The following RDH16 variants were observed in gnomAD, a reference collection of about 807,000 sequenced individuals.
The protein encoded by RDH16 is retinol dehydrogenase 16.
RDH16 carries 25 observed loss-of-function variants against 22.3 expected under a neutral mutation model. That is an observed-to-expected ratio of 1.12 (90% CI 0.82 to 1.56). The LOEUF is 1.56. RDH16 is among the 40% of genes most tolerant of loss of function. The pLI is 0.00. For missense variants in RDH16, 413 were observed against 394.9 expected, an observed-to-expected ratio of 1.05 and a Z score of -0.39; for synonymous variants, 154 against 164.4, an observed-to-expected ratio of 0.94 and a Z score of 0.48.
chr12:56,954,794 G>A (rs750214696), intron 2 of RDH16, 112 bp downstream of exon 2: 1 of 1,128,058 alleles, frequency 8.9e-7, no homozygotes, highest in African/African-American at 1.6e-5. Context: ...AAGACAGAGA[G>A]TGATCTCATG....
chr12:56,955,289 T>C, intron 1 of RDH16, 125 bp from the exon 2 acceptor site: 1 of 1,149,140 alleles, frequency 8.7e-7, no homozygotes, highest in Non-Finnish European at 1.2e-6. Flanking sequence ...GGGAGGAGGG[T>C]ATAACAAACA....
rs1294567856 is a variant in RDH16, at chr12:56,952,266, A to G, written c.737-20T>C. On this transcript the variant is annotated intron_variant, in intron 3 of 3. Transcript: ENST00000398138. Reference sequence around the variant, plus strand: ...TCTTATCTGTTAAGAATCAGAAACAATCCATGTATATTTCCACCTCTAACC... The same window carrying G: ...TCTTATCTGTTAAGAATCAGAAACAGTCCATGTATATTTCCACCTCTAACC... The G allele has an allele frequency of 1.2e-6, 2 of 1,608,430 alleles. No individual in the cohort carries two copies. Among genetic ancestry groups the G allele is most frequent in the Admixed American group, 3.4e-5 (2 of 59,596 alleles).
At chr12:56,955,821 C>G (rs1955923253) in intron 1 of RDH16, among the ~76,000 whole-genome samples, 1 of 152,130 alleles carries the variant, frequency 6.6e-6, no homozygotes, top group African/African-American at 2.4e-5. Context: ...TGCGTCACCC[C>G]ACTCAGTACA....
chr12:56,952,999 C>A lies in RDH16; in HGVS notation c.573-9G>T. On this transcript the variant is annotated splice_polypyrimidine_tract_variant and intron_variant, in intron 2 of 3. Coordinates refer to ENST00000398138, the MANE Select transcript of RDH16 (RefSeq NM_003708.5). ...AGTAGGAGAGTTCCCTCCTGCAAGA[C>A]AGAGAAGCAGAGGGGAAAAACTTCG... 3.8e-6 allele frequency: 6 copies of A among 1,596,230 alleles called. No individual in the cohort carries two copies. The highest frequency in any genetic ancestry group is 4.3e-6 in the Non-Finnish European group (5 of 1,172,478).
intron 2 of RDH16, among the ~76,000 whole-genome samples, chr12:56,953,927 A>G (rs1955904613): frequency 6.6e-6 from 1 of 152,074 alleles, no homozygotes; most frequent in East Asian, 1.9e-4. Flanking sequence ...CACAGACAAA[A>G]CCTTGTTGTT....
Position 56,952,025 on chromosome 12 carries a change from A to G in RDH16, c.*4T>C, listed in dbSNP as rs757289273. On this transcript the variant is annotated 3_prime_UTR_variant, in exon 4 of 4. Transcript: ENST00000398138. ...TCCATGCAACCATGCATCCAACCTT[A>G]GCTTCATAGAGCCTTGGCCGGGCTT... 6.2e-7 allele frequency: 1 copy of G among 1,613,110 alleles called. No individual in the cohort carries two copies. Among genetic ancestry groups the G allele is most frequent in the South Asian group, 1.1e-5 (1 of 91,028 alleles).
Position 56,951,911 on chromosome 12 carries a change from T to C in RDH16, c.*118A>G. Reference sequence around the variant, plus strand: ...CATGGCCAGGAGGTAATGAAGGAGGTGGGATTGGTGCCCTACTGACCGGAC... The same window carrying C: ...CATGGCCAGGAGGTAATGAAGGAGGCGGGATTGGTGCCCTACTGACCGGAC... On this transcript the variant is annotated 3_prime_UTR_variant, in exon 4 of 4. Coordinates refer to ENST00000398138, the MANE Select transcript of RDH16 (RefSeq NM_003708.5). The C allele has an allele frequency of 1.4e-6, 1 of 722,106 alleles. No homozygotes were observed. Among genetic ancestry groups the C allele is most frequent in the East Asian group, 2.7e-5 (1 of 36,976 alleles). 44.7% of individuals were successfully genotyped at this position (722,106 alleles called of 1,614,324 possible). A position where few individuals can be genotyped will look rare whatever the true frequency, so the allele number is the denominator to read the frequency against.
Position 56,957,305 on chromosome 12 carries a change from C to A in RDH16, c.158G>T (p.Gly53Val), listed in dbSNP as rs2136382334. The A allele has an allele frequency of 6.2e-7, 1 of 1,614,222 alleles. No homozygotes were observed. The highest frequency in any genetic ancestry group is 8.5e-7 in the Non-Finnish European group (1 of 1,180,042). ...KLLARQLDAR[G>V]LRVLAACLTE... ...CAGACATGCAGCCAGCACCCGCAAG[C>A]CTCGTGCATCCAGCTGTCTGGCCAG... is the stretch of plus-strand genomic sequence containing the variant. The change falls in exon 1 of 4, where the codon GGC becomes GTC. Residue 53 changes from glycine (G) to valine (V), a missense_variant. Physicochemically the swap from Gly to Val is moderately radical, Grantham distance 109. Transcript: ENST00000398138.
chr12:56,955,045 T>G lies in RDH16; in HGVS notation c.433A>C (p.Thr145Pro), dbSNP rs1955915281. 1.2e-6 allele frequency: 2 copies of G among 1,613,872 alleles called. No homozygotes were observed. Among genetic ancestry groups the G allele is most frequent in the South Asian group, 2.2e-5 (2 of 91,074 alleles). The change falls in exon 2 of 4, where the codon ACT (threonine) becomes CCT (proline). Residue 145 changes from threonine to proline, a missense_variant. Physicochemically the swap from Thr to Pro is conservative, Grantham distance 38. Coordinates refer to ENST00000398138, the MANE Select transcript of RDH16 (RefSeq NM_003708.5). ...CTCACTAAGGGCAGCAGGCTCAGAG[T>G]CACATCAATCACCCCCAACAAGTTC... ...DVNLLGVIDV[T>P]LSLLPLVRRA...
In RDH16 at chr12:56,951,918, G is replaced by T; in HGVS notation, c.*111C>A. 2.6e-6 allele frequency: 2 copies of T among 780,264 alleles called. No individual in the cohort carries two copies. Among genetic ancestry groups the T allele is most frequent in the Non-Finnish European group, 4.3e-6 (2 of 469,638 alleles). The allele number at this position is 780,264 out of a possible 1,614,324, so 48.3% of individuals were successfully genotyped here. A position where few individuals can be genotyped will look rare whatever the true frequency, so the allele number is the denominator to read the frequency against. ...AGGAGGTAATGAAGGAGGTGGGATT[G>T]GTGCCCTACTGACCGGACGGCTCCC... On this transcript the variant is annotated 3_prime_UTR_variant, in exon 4 of 4. Transcript: ENST00000398138.
At chr12:56,957,064 T>C in intron 1 of RDH16, 86 bp downstream of exon 1, 1 of 1,325,736 alleles carries the variant, frequency 7.5e-7, no homozygotes, top group Admixed American at 2.0e-5. Context: ...AAAGACACTG[T>C]AGGAATCTTC....
At position 56,957,598 on chromosome 12, in the gene RDH16, C is replaced by A. The variant is rs1333150586; in HGVS notation, c.-136G>T. 3 of 913,596 alleles carry A rather than the reference C, an allele frequency of 3.3e-6. No homozygotes were observed. Among genetic ancestry groups the A allele is most frequent in the African/African-American group, 1.7e-5 (1 of 59,668 alleles). 56.6% of individuals were successfully genotyped at this position (913,596 alleles called of 1,614,324 possible). The stretch of plus-strand genomic sequence containing the variant: ...CAGGCATTTTGGCAGGGAATCCTCA[C>A]TTTCCTCCCTGATGACTGCCTTTCT... On this transcript the variant is annotated 5_prime_UTR_variant, in exon 1 of 4. Coordinates refer to ENST00000398138, the MANE Select transcript of RDH16 (RefSeq NM_003708.5).
chr12:56,952,079 C>T lies in RDH16; in HGVS notation c.904G>A (p.Val302Met). The T allele has an allele frequency of 1.2e-6, 2 of 1,614,174 alleles. No homozygotes were observed. The highest frequency in any genetic ancestry group is 1.1e-5 in the South Asian group (1 of 91,080). ...GAGACCCAGTACATAATGGCATCCA[C>T]CAGGAAGGTGGGCATGTAGCTCATG... ...LPMSYMPTFL[V>M]DAIMYWVSPS... Residue 302 changes from valine (V) to methionine (M), a missense_variant, in exon 4 of 4, where the codon GTG becomes ATG. Val to Met is a conservative substitution (Grantham distance 21, BLOSUM62 1). Transcript: ENST00000398138.
chr12:56,951,992 AC>A lies in RDH16; in HGVS notation c.*36del, dbSNP rs751829396. The stretch of plus-strand genomic sequence containing the variant: ...AAGGATACACCACCCCTCATAGCAC[AC>A]CCCAAATCCATGCAACCATGCATCC... On this transcript the variant is annotated 3_prime_UTR_variant, in exon 4 of 4. Coordinates refer to ENST00000398138, the MANE Select transcript of RDH16 (RefSeq NM_003708.5). 1.9e-6 allele frequency: 3 copies of A among 1,587,686 alleles called. No homozygotes were observed. The East Asian group carries it at 6.7e-5, about 36-fold the overall frequency.
In RDH16 at chr12:56,952,896, A is replaced by G. The variant is rs759673658; in HGVS notation, c.667T>C (p.Phe223Leu). 15 of 1,613,946 alleles carry G rather than the reference A, an allele frequency of 9.3e-6. No individual in the cohort carries two copies. Among genetic ancestry groups the G allele is most frequent in the African/African-American group, 1.3e-5 (1 of 74,888 alleles). Residue 223 changes from phenylalanine (F) to leucine (L), a missense_variant, in exon 3 of 4, where the codon TTC becomes CTC. Coordinates refer to ENST00000398138, the MANE Select transcript of RDH16 (RefSeq NM_003708.5). Reference sequence around the variant, plus strand: ...CTGGACCGGTCCCAAATCTCCAGGAAGCTCTTTAAGAATCTCTCCTTACTG... The same window carrying G: ...CTGGACCGGTCCCAAATCTCCAGGAGGCTCTTTAAGAATCTCTCCTTACTG... The part of the protein sequence containing the change: ...VTSKERFLKS[F>L]LEIWDRSSPE...
intron 1 of RDH16, among the ~76,000 whole-genome samples, chr12:56,956,468 AG>A (rs1197722003): frequency 2.6e-5 from 4 of 152,222 alleles, no homozygotes; most frequent in African/African-American, 9.6e-5. Context: ...TGACAATTTC[AG>A]GGAAACTTGT....
chr12:56,953,501 C>G (rs765719963), intron 2 of RDH16, among the ~76,000 whole-genome samples: 3 of 152,184 alleles, frequency 2.0e-5, no homozygotes, highest in African/African-American at 7.2e-5. Context: ...GAGCAAATCC[C>G]TTTTCTGGAG....
rs116473790 is a variant in RDH16 at position 56,957,131 on chromosome 12, G to C, written c.313+19C>G. On this transcript the variant is annotated intron_variant, in intron 1 of 3. Coordinates refer to ENST00000398138, the MANE Select transcript of RDH16 (RefSeq NM_003708.5). Reference sequence around the variant, plus strand: ...ACAGAGGGAAGACACAGACAGACTTGACAAACCTGGGTGGTTACCTTTGTC... The same window carrying C: ...ACAGAGGGAAGACACAGACAGACTTCACAAACCTGGGTGGTTACCTTTGTC... 4.3e-4 allele frequency: 676 copies of C among 1,589,646 alleles called. 4 individuals are homozygous for C. The African/African-American group carries it at 8.3e-3, about 20-fold the overall frequency.
rs141418155 is a variant in RDH16, at chr12:56,955,087, C to A, written c.391G>T (p.Val131Leu). ...AACAAGTTCACGTCCAGTATGGTCA[C>A]GAAGTCCTGCTTGGTGAGCAACTCA... The part of the protein sequence containing the change: ...PNELLTKQDF[V>L]TILDVNLLGV... The change falls in exon 2 of 4, where the codon GTG (valine) becomes TTG (leucine). Residue 131 changes from valine (V) to leucine (L), a missense_variant. Coordinates refer to ENST00000398138, the MANE Select transcript of RDH16 (RefSeq NM_003708.5). 1.2e-6 allele frequency: 2 copies of A among 1,614,018 alleles called. No individual in the cohort carries two copies. Among genetic ancestry groups the A allele is most frequent in the Non-Finnish European group, 1.7e-6 (2 of 1,180,044 alleles).
Sources: gnomAD v4.1 joint callset for allele counts (sites outside exome capture counted in the v4.1 genomes callset) on GRCh38, gnomAD v4.1.1 for gene constraint, MANE v1.5 for transcripts, NCBI Gene and HGNC (gene_info 2026-07-23, HGNC 2026-07-21) for gene names.